ERC1: variants seen among roughly 807,000 people sequenced by gnomAD.
ERC1 encodes ELKS/RAB6-interacting/CAST family member 1, also known as RAB6 interacting protein 2.
In ERC1, 56 loss-of-function variants were observed where a neutral mutation model predicts 132.0. The observed-to-expected ratio is 0.42, with a 90% CI of 0.34 to 0.53. ERC1 has a LOEUF of 0.53. Among genes scored for constraint, ERC1 ranks in the 20% least tolerant of loss-of-function variants. The probability of loss-of-function intolerance (pLI) is 0.03; values close to 1 mark genes in which losing one functional copy is unlikely to be tolerated. For synonymous variants in ERC1, 478 were observed against 476.1 expected (o/e 1.00, Z -0.05); for missense variants, 1,202 against 1,349.9 (o/e 0.89, Z 1.72).
At chr12:1,390,760 A>T (rs2089891340) in intron 16 of ERC1, 1 of 152,238 alleles carries the variant, frequency 6.6e-6, no homozygotes, top group Non-Finnish European at 1.5e-5. Flanking sequence ...CTGGGACTGG[A>T]ATAGGTTGCC....
At chr12:1,366,102 C>T (rs561645456) in intron 15 of ERC1, among the ~76,000 whole-genome samples, 23 of 152,198 alleles carry the variant, frequency 1.5e-4, no homozygotes, top group Middle Eastern at 3.4e-3. Flanking sequence ...ATAGTTTCAC[C>T]TTTGTAAGAT....
chr12:1,284,901 A>G (rs1410881685), intron 14 of ERC1, among the ~76,000 whole-genome samples: 1 of 152,178 alleles, frequency 6.6e-6, no homozygotes, highest in Non-Finnish European at 1.5e-5. Context: ...GCCTCCTGGA[A>G]TTACAGGCAT....
intron 14 of ERC1, among the ~76,000 whole-genome samples, chr12:1,285,270 T>G (rs1041172918): frequency 6.6e-6 from 1 of 152,138 alleles, no homozygotes; most frequent in African/African-American, 2.4e-5. Context: ...ACTTGATAAT[T>G]ATTGAACATT....
chr12:1,173,923 G>A (rs894219555), intron 8 of ERC1, among the ~76,000 whole-genome samples: 1 of 151,908 alleles, frequency 6.6e-6, no homozygotes, highest in East Asian at 1.9e-4. Flanking sequence ...CCATCGTGAT[G>A]CTGCAGTCAG....
At position 1,110,253 on chromosome 12, in the gene ERC1, T is replaced by G. The variant is rs1156291186; in HGVS notation, c.1223T>G (p.Leu408Arg). ...GACCTGGAAGAGGAAATTCAGATGCTGAAATCGAATGGTGCTTTGAGTACT... is the reference window on the plus strand; with the variant it reads ...GACCTGGAAGAGGAAATTCAGATGCGGAAATCGAATGGTGCTTTGAGTACT... The part of the protein sequence containing the change: ...LRDLEEEIQM[L>R]KSNGALSTEE... The change falls in exon 5 of 19, where the codon CTG becomes CGG. Residue 408 changes from leucine to arginine, a missense_variant. Transcript: ENST00000360905. The G allele has an allele frequency of 2.5e-6, 4 of 1,613,614 alleles. No homozygotes were observed. Among genetic ancestry groups the G allele is most frequent in the Non-Finnish European group, 3.4e-6 (4 of 1,179,722 alleles).
At chr12:1,193,264 T>A (rs1955906506) in intron 12 of ERC1, among the ~76,000 whole-genome samples, 1 of 152,164 alleles carries the variant, frequency 6.6e-6, no homozygotes, top group Non-Finnish European at 1.5e-5. Context: ...TGTCCTACTC[T>A]CTTGACCCAC....
At chr12:1,140,470 A>T (rs1015719346) in intron 7 of ERC1, among the ~76,000 whole-genome samples, 1 of 152,140 alleles carries the variant, frequency 6.6e-6, no homozygotes, top group Non-Finnish European at 1.5e-5. Context: ...TCCATTGAGC[A>T]TTTCCTTTAA....
At chr12:1,465,525 C>T (rs1565491946) in intron 18 of ERC1, among the ~76,000 whole-genome samples, 1 of 152,214 alleles carries the variant, frequency 6.6e-6, no homozygotes, top group Non-Finnish European at 1.5e-5. Flanking sequence ...CTCTAGACAA[C>T]CAACGTAAAT....
rs563908235 is a variant in ERC1, at chr12:1,355,815, G to GGGTGGACAT, written c.2781-16016_2781-16008dup. Among the ~76,000 whole-genome samples, 425 of 152,314 alleles carry GGGTGGACAT rather than the reference G, an allele frequency of 2.8e-3. 2 individuals are homozygous for GGGTGGACAT. Among genetic ancestry groups the GGGTGGACAT allele is most frequent in the Non-Finnish European group, 2.6e-3 (178 of 68,036 alleles). ...CTGAGTCAAAGATTAGCTGAATTGA[G>GGGTGGACAT]GGTGGACATGATGAAGTTAATTCCG... is the stretch of plus-strand genomic sequence containing the variant. On this transcript the variant is annotated intron_variant, in intron 15 of 18. Coordinates refer to ENST00000360905, the MANE Select transcript of ERC1 (RefSeq NM_178040.4).
Position 1,241,847 on chromosome 12 carries a change from C to CTTTTTTTTTTTTTTTTTTTTTTTTT in ERC1, c.2487+4946_2487+4970dup, listed in dbSNP as rs57016547. On this transcript the variant is annotated intron_variant, in intron 13 of 18. Coordinates refer to ENST00000360905, the MANE Select transcript of ERC1 (RefSeq NM_178040.4). ...CCAATTTTTTGCATTTCTTCTTCTT[C>CTTTTTTTTTTTTTTTTTTTTTTTTT]TTTTTTTTTTTTTTTTTTTTTTTTT... is the stretch of plus-strand genomic sequence containing the variant. 2.0e-4 allele frequency among the ~76,000 whole-genome samples: 16 copies of CTTTTTTTTTTTTTTTTTTTTTTTTT among 80,492 alleles called. 1 individual carries two copies. Among genetic ancestry groups the CTTTTTTTTTTTTTTTTTTTTTTTTT allele is most frequent in the Non-Finnish European group, 3.0e-4 (13 of 43,948 alleles). The allele number at this position is 80,492 out of a possible 152,430, so 52.8% of individuals were successfully genotyped here. A position where few individuals can be genotyped will look rare whatever the true frequency, so the allele number is the denominator to read the frequency against.
intron 17 of ERC1, chr12:1,444,307 C>T (rs541180592): frequency 1.1e-4 from 35 of 326,806 alleles, no homozygotes; most frequent in Non-Finnish European, 1.8e-4. Context: ...CAGAGCTGTC[C>T]GTCTGGTGTG....
chr12:1,376,245 T>A (rs921263078), intron 16 of ERC1, among the ~76,000 whole-genome samples: 16 of 152,234 alleles, frequency 1.1e-4, no homozygotes, highest in Non-Finnish European at 1.3e-4. Context: ...ATAGAATTTT[T>A]AAAAAATAAT....
At chr12:1,269,576 A>G (rs368877484) in intron 14 of ERC1, among the ~76,000 whole-genome samples, 1 of 152,172 alleles carries the variant, frequency 6.6e-6, no homozygotes, top group African/African-American at 2.4e-5. Context: ...GATGTTTTTA[A>G]AAGATCATTC....
intron 17 of ERC1, among the ~76,000 whole-genome samples, chr12:1,439,250 T>C (rs2093036193): frequency 6.6e-6 from 1 of 152,150 alleles, no homozygotes; most frequent in African/African-American, 2.4e-5. Flanking sequence ...GTTGCAGAAG[T>C]GGAATGCTGT....
At chr12:1,091,984 G>C (rs35482232) in intron 3 of ERC1, among the ~76,000 whole-genome samples, 27,980 of 148,314 alleles carry the variant, frequency 0.19, 3,344 homozygotes, top group Non-Finnish European at 0.25. Context: ...TTAAAAAAAA[G>C]TGGCATTTAA....
intron 15 of ERC1, among the ~76,000 whole-genome samples, chr12:1,360,290 A>G (rs747797290): frequency 2.6e-5 from 4 of 152,248 alleles, no homozygotes; most frequent in Non-Finnish European, 4.4e-5. Flanking sequence ...AGTCATGAAG[A>G]AAATGAAGCT....
intron 17 of ERC1, among the ~76,000 whole-genome samples, chr12:1,427,525 A>G (rs2092677444): frequency 6.6e-6 from 1 of 152,070 alleles, no homozygotes; most frequent in Non-Finnish European, 1.5e-5. Context: ...TCTTTTTTTT[A>G]ATATATTGCA....
At chr12:1,149,245 A>G (rs1950632524) in intron 8 of ERC1, among the ~76,000 whole-genome samples, 1 of 152,142 alleles carries the variant, frequency 6.6e-6, no homozygotes, top group Non-Finnish European at 1.5e-5. Context: ...CTTTTTCCAC[A>G]TTTCCATCCA....
At chr12:1,400,909 TTTTTGTA>T (rs1223313082) in intron 16 of ERC1, among the ~76,000 whole-genome samples, 1,084 of 77,496 alleles carry the variant, frequency 0.014, 236 homozygotes, top group Non-Finnish European at 0.018. Flanking sequence ...GTTTTGGCTA[TTTTTGTA>T]TTTTTTTTTT....
Sources: allele counts gnomAD v4.1 joint callset (sites outside exome capture counted in the v4.1 genomes callset), GRCh38; gene constraint gnomAD v4.1.1; transcripts MANE v1.5; gene names NCBI Gene and HGNC (gene_info 2026-07-23, HGNC 2026-07-21).